Variants in ADGRF4 observed in about 807,000 individuals in gnomAD.
ADGRF4 encodes G-protein coupled receptor PGR18.
In ADGRF4, 63 loss-of-function variants were observed where a neutral mutation model predicts 58.5. The observed-to-expected ratio is 1.08, with a 90% CI of 0.88 to 1.33. ADGRF4 has a LOEUF of 1.33. ADGRF4 is among the 40% of genes most tolerant of loss of function. The pLI is 0.00. For missense variants in ADGRF4, 931 were observed against 843.9 expected, an observed-to-expected ratio of 1.10 and a Z score of -1.28; for synonymous variants, 313 against 295.4, an observed-to-expected ratio of 1.06 and a Z score of -0.61.
In ADGRF4 at chr6:47,721,830, A is replaced by G. The variant is rs1410061051; in HGVS notation, c.*625A>G. ...TTTTAGACCTTGAGTAAACTAATTT[A>G]GCTTCTAGGATCCAAGTTTCCTTAT... On this transcript the variant is annotated 3_prime_UTR_variant, in exon 10 of 10. Transcript: ENST00000283303. The G allele has an allele frequency of 6.6e-6, 1 of 152,082 alleles. No individual in the cohort carries two copies. Among genetic ancestry groups the G allele is most frequent in the Non-Finnish European group, 1.5e-5 (1 of 68,004 alleles). 9.4% of individuals were successfully genotyped at this position (152,082 alleles called of 1,614,324 possible). A position where few individuals can be genotyped will look rare whatever the true frequency, so the allele number is the denominator to read the frequency against.
chr6:47,702,046 T>C (rs1390039462), intron 1 of ADGRF4, among the ~76,000 whole-genome samples: 1 of 152,054 alleles, frequency 6.6e-6, no homozygotes, highest in East Asian at 1.9e-4. Context: ...ACCATGTTGG[T>C]CAGGCTGATC....
At chr6:47,713,659 C>T in intron 5 of ADGRF4, 139 bp from the exon 6 acceptor site, 1 of 623,274 alleles carries the variant, frequency 1.6e-6, no homozygotes, top group Admixed American at 3.6e-5. Flanking sequence ...AATGTGGATT[C>T]TAATACATAG....
chr6:47,708,560 T>TA (rs1214708394), intron 3 of ADGRF4, among the ~76,000 whole-genome samples: 1 of 152,210 alleles, frequency 6.6e-6, no homozygotes, highest in Non-Finnish European at 1.5e-5. Context: ...AGTAATGAGT[T>TA]AACAGGAGGC....
intron 1 of ADGRF4, among the ~76,000 whole-genome samples, chr6:47,701,267 G>A (rs187683282): frequency 6.6e-6 from 1 of 152,330 alleles, no homozygotes; most frequent in African/African-American, 2.4e-5. Context: ...TTGCTTTTTA[G>A]TACTGTGTGA....
In ADGRF4 at chr6:47,714,561, G is replaced by A. The variant is rs147067379; in HGVS notation, c.1316G>A (p.Arg439His). ...RVVVTEISYM[R>H]HVCIVNIAVS... ...GTTGTGACGGAGATATCATACATGC[G>A]TCACGTGTGCATCGTGAATATAGCA... Residue 439 changes from arginine (R) to histidine (H), a missense_variant, in exon 6 of 10, where the codon CGT becomes CAT. Arg to His is a conservative substitution (Grantham distance 29). Transcript: ENST00000283303. 180 of 1,613,942 alleles carry A rather than the reference G, an allele frequency of 1.1e-4. No homozygotes were observed. The highest frequency in any genetic ancestry group is 4.7e-4 in the African/African-American group (35 of 74,900).
At chr6:47,710,712 T>G in intron 3 of ADGRF4, 23 bp from the exon 4 acceptor site, 9 of 1,519,218 alleles carry the variant, frequency 5.9e-6, no homozygotes, top group Non-Finnish European at 7.9e-6. Context: ...TGTCTCTCTC[T>G]CTTTCTCTTT....
chr6:47,713,645 T>C (rs1374382200), intron 5 of ADGRF4, among the ~76,000 whole-genome samples, 153 bp from the exon 6 acceptor site: 3 of 152,250 alleles, frequency 2.0e-5, no homozygotes, highest in African/African-American at 7.2e-5. Context: ...TGTGTGGCCT[T>C]ACTAATGTGG....
intron 5 of ADGRF4, 98 bp from the exon 6 acceptor site, chr6:47,713,700 T>C: frequency 2.2e-6 from 2 of 926,120 alleles, no homozygotes; most frequent in Non-Finnish European, 3.1e-6. Context: ...CCAAATAAGA[T>C]TGGGTAACCT....
chr6:47,710,885 A>G lies in ADGRF4; in HGVS notation c.299A>G (p.Lys100Arg), dbSNP rs1400933780. Reference sequence around the variant, plus strand: ...AGCCTTTCTGTGGAAAAACTCTTTAAGGTGATGCATTCACAAATTATTGGT... The same window carrying G: ...AGCCTTTCTGTGGAAAAACTCTTTAGGGTGATGCATTCACAAATTATTGGT... Reference protein sequence around the residue: ...CTSLSVEKLFKDSTGASRLSV... With the variant: ...CTSLSVEKLFRDSTGASRLSV... Residue 100 changes from lysine to arginine, a missense_variant and splice_region_variant, in exon 4 of 10, where the codon AAG becomes AGG. By Grantham distance (26) the Lys-to-Arg change is conservative (BLOSUM62 2). Transcript: ENST00000283303. 1 of 1,609,374 alleles carries G rather than the reference A, an allele frequency of 6.2e-7. No individual in the cohort carries two copies. The highest frequency in any genetic ancestry group is 8.5e-7 in the Non-Finnish European group (1 of 1,178,774).
intron 4 of ADGRF4, among the ~76,000 whole-genome samples, 194 bp downstream of exon 4, chr6:47,711,080 GCTCT>G (rs1449423000): frequency 6.8e-6 from 1 of 147,836 alleles, no homozygotes; most frequent in Non-Finnish European, 1.5e-5. Context: ...CTCTCTATAT[GCTCT>G]CTATTTCTCC....
chr6:47,708,338 A>G, intron 3 of ADGRF4, 60 bp downstream of exon 3: 2 of 1,305,990 alleles, frequency 1.5e-6, no homozygotes, highest in South Asian at 2.4e-5. Flanking sequence ...AAGGAAGGGC[A>G]CTGATGTTGC....
chr6:47,712,742 TG>T (rs1454303585), intron 5 of ADGRF4, 134 bp downstream of exon 5: 4 of 658,040 alleles, frequency 6.1e-6, no homozygotes, highest in Non-Finnish European at 1.0e-5. Flanking sequence ...CACTTCGGTT[TG>T]GGATATTGAT....
rs1771739636 is a variant in ADGRF4 at position 47,707,347 on chromosome 6, G to C, written c.93+9G>C. The stretch of plus-strand genomic sequence containing the variant: ...CCAAGATTCACCTAAAAGTAAGTTT[G>C]ATCTATTCCTATGTGATCCGAGGAG... On this transcript the variant is annotated intron_variant, in intron 2 of 9. Transcript: ENST00000283303. The C allele has an allele frequency of 2.6e-6, 4 of 1,522,682 alleles. No homozygotes were observed. The highest frequency in any genetic ancestry group is 3.6e-6 in the Non-Finnish European group (4 of 1,096,716). The allele number at this position is 1,522,682 out of a possible 1,614,324, so 94.3% of individuals were successfully genotyped here.
At chr6:47,719,301 G>A (rs538749247) in intron 9 of ADGRF4, among the ~76,000 whole-genome samples, 3 of 152,092 alleles carry the variant, frequency 2.0e-5, no homozygotes, top group South Asian at 2.1e-4. Flanking sequence ...ACATACAGTC[G>A]CAGGGAGAGG....
At chr6:47,701,871 T>C (rs1416472806) in intron 1 of ADGRF4, among the ~76,000 whole-genome samples, 1 of 152,246 alleles carries the variant, frequency 6.6e-6, no homozygotes, top group Non-Finnish European at 1.5e-5. Context: ...TTCACTCTTA[T>C]TGCCCAGGCT....
At position 47,714,876 on chromosome 6, in the gene ADGRF4, T is replaced by C. The variant is rs759762542; in HGVS notation, c.1631T>C (p.Met544Thr). The C allele has an allele frequency of 1.2e-6, 2 of 1,609,568 alleles. No homozygotes were observed. The highest frequency in any genetic ancestry group is 2.2e-5 in the South Asian group (2 of 91,030). The change falls in exon 6 of 10, where the codon ATG becomes ACG. Residue 544 changes from methionine (M) to threonine (T), a missense_variant. Met to Thr is a moderately conservative substitution (Grantham distance 81). Transcript: ENST00000283303. ...ATCACAGAGCCAGAGAAAGGCTACA[T>C]GAGACCTGAGGCCTGTTGGCTTAAC... ...VAITEPEKGY[M>T]RPEACWLNWD... is the part of the protein sequence containing the mutation.
chr6:47,708,330 G>C (rs745756224), intron 3 of ADGRF4, 52 bp downstream of exon 3: 18 of 1,384,488 alleles, frequency 1.3e-5, no homozygotes, highest in African/African-American at 2.8e-5. Flanking sequence ...GAAGAATAAA[G>C]GAAGGGCACT....
chr6:47,703,674 C>T (rs1028860164), intron 1 of ADGRF4, among the ~76,000 whole-genome samples: 2 of 152,170 alleles, frequency 1.3e-5, no homozygotes, highest in Non-Finnish European at 1.5e-5. Context: ...ACCCTTCAGC[C>T]ATTTGTGCTT....
rs189906240 is a variant in ADGRF4 at position 47,710,978 on chromosome 6, G to T, written c.300+92G>T. On this transcript the variant is annotated intron_variant, in intron 4 of 9. Coordinates refer to ENST00000283303, the MANE Select transcript of ADGRF4 (RefSeq NM_153838.5). ...TGTGATCTGTTCAGCATGACAAAAA[G>T]TCTCAGATCCGCACTTAGAAAAATC... 263 of 1,240,062 alleles carry T rather than the reference G, an allele frequency of 2.1e-4. No individual in the cohort carries two copies. The African/African-American group carries it at 3.8e-3, about 18-fold the overall frequency. 76.8% of individuals were successfully genotyped at this position (1,240,062 alleles called of 1,614,324 possible).
Sources: allele counts gnomAD v4.1 joint callset (sites outside exome capture counted in the v4.1 genomes callset), GRCh38; gene constraint gnomAD v4.1.1; transcripts MANE v1.5; gene names NCBI Gene and HGNC (gene_info 2026-07-23, HGNC 2026-07-21).